DBNL: variants seen among roughly 807,000 people sequenced by gnomAD.
The protein encoded by DBNL is drebrin like.
DBNL carries 35 observed loss-of-function variants against 62.2 expected under a neutral mutation model. That is an observed-to-expected ratio of 0.56 (90% CI 0.43 to 0.75). The LOEUF (loss-of-function observed/expected upper bound fraction) is 0.75. DBNL is among the 30% of genes least tolerant of loss of function. The pLI is 0.00. For synonymous variants in DBNL, 197 were observed against 218.0 expected (o/e 0.90, Z 0.85); for missense variants, 495 against 578.4 (o/e 0.86, Z 1.48).
chr7:44,062,761 C>G lies in DBNL; in HGVS notation c.*1845C>G. The G allele has an allele frequency of 6.2e-7, 1 of 1,614,090 alleles. No homozygotes were observed. Among genetic ancestry groups the G allele is most frequent in the Non-Finnish European group, 8.5e-7 (1 of 1,179,994 alleles). ...AGGTGCCTTTATTGCCCAAGCCCAC[C>G]CCTCACTTGGCCTTGCCCTGGGCAG... On this transcript the variant is annotated 3_prime_UTR_variant, in exon 13 of 13. Coordinates refer to ENST00000448521, the MANE Select transcript of DBNL (RefSeq NM_001014436.3).
Position 44,060,495 on chromosome 7 carries a change from A to T in DBNL, c.1154-282A>T, listed in dbSNP as rs1431747176. Among the ~76,000 whole-genome samples the T allele has an allele frequency of 6.6e-6, 1 of 152,000 alleles. No homozygotes were observed. Among genetic ancestry groups the T allele is most frequent in the Non-Finnish European group, 1.5e-5 (1 of 67,978 alleles). The stretch of plus-strand genomic sequence containing the variant: ...AGGCGTCCCTGGGTGGAGGCCTTGG[A>T]GAATGGGGTGGAGGCCCCCTACGGA... On this transcript the variant is annotated intron_variant, in intron 12 of 12. Coordinates refer to ENST00000448521, the MANE Select transcript of DBNL (RefSeq NM_001014436.3). The surrounding 1 kb of genome is among the most constrained non-coding windows in gnomAD (Gnocchi z 6.3).
In DBNL at chr7:44,059,564, C is replaced by T. The variant is rs763999980; in HGVS notation, c.953C>T (p.Ala318Val). Residue 318 changes from alanine to valine, a missense_variant, in exon 11 of 13, where the codon GCG (alanine) becomes GTG (valine). Ala to Val is a moderately conservative substitution (Grantham distance 64). Transcript: ENST00000448521. This position sits in a 1 kb window ranked among gnomAD's most constrained non-coding sequence, Gnocchi z 4.1. ...PRADLPAEEP[A>V]PSTPPCLVQA... ...GCAGATCTCCCTGCTGAGGAGCCGG[C>T]GCCCAGCACTCCTCCATGTCTGGTG... 6 of 1,612,488 alleles carry T rather than the reference C, an allele frequency of 3.7e-6. No homozygotes were observed. Among genetic ancestry groups the T allele is most frequent in the African/African-American group, 2.7e-5 (2 of 74,738 alleles).
intron 2 of DBNL, chr7:44,050,541 G>C (rs1242572061): frequency 2.6e-6 from 1 of 377,590 alleles, no homozygotes; most frequent in Admixed American, 4.0e-5. Context: ...TCCAGCTTGT[G>C]GGCAGCCTGC....
rs1286935976 is a variant in DBNL, at chr7:44,052,901, C to T, written c.287C>T (p.Ala96Val). Residue 96 changes from alanine to valine, a missense_variant, in exon 4 of 13, where the codon GCC becomes GTC. Ala to Val is a moderately conservative substitution (Grantham distance 64, BLOSUM62 0). Transcript: ENST00000448521. ...GGCGTGAACGATGTGCGGAAGGGAG[C>T]CTGTGCCAGCCACGTCAGCACCATG... ...GEGVNDVRKG[A>V]CASHVSTMAS... is the part of the protein sequence containing the mutation. 2.5e-6 allele frequency: 4 copies of T among 1,613,602 alleles called. No individual in the cohort carries two copies. The highest frequency in any genetic ancestry group is 2.5e-6 in the Non-Finnish European group (3 of 1,179,998).
chr7:44,060,187 A>C lies in DBNL; in HGVS notation c.1153+34A>C. 1 of 1,568,624 alleles carries C rather than the reference A, an allele frequency of 6.4e-7. No homozygotes were observed. Among genetic ancestry groups the C allele is most frequent in the Non-Finnish European group, 8.7e-7 (1 of 1,143,634 alleles). The stretch of plus-strand genomic sequence containing the variant: ...CCCTGGCCTGGCTGGCACAGACCAC[A>C]GGGTCCTGAGGTTAGGAGACAAGAG... On this transcript the variant is annotated intron_variant, in intron 12 of 12. Transcript: ENST00000448521. The surrounding 1 kb of genome is among the most constrained non-coding windows in gnomAD (Gnocchi z 6.3).
At chr7:44,058,602 T>C in intron 8 of DBNL, 122 bp downstream of exon 8, 1 of 1,365,372 alleles carries the variant, frequency 7.3e-7, no homozygotes, top group Admixed American at 2.2e-5. Flanking sequence ...CTGGGGCAGG[T>C]TGGAATCTGG....
intron 3 of DBNL, among the ~76,000 whole-genome samples, chr7:44,052,253 G>T (rs952051420): frequency 2.6e-5 from 4 of 152,044 alleles, no homozygotes; most frequent in Admixed American, 2.0e-4. Flanking sequence ...AGAGCCTGAG[G>T]GAGTGTTTAG....
chr7:44,056,651 C>T, intron 4 of DBNL, 106 bp from the exon 5 acceptor site: 2 of 1,448,636 alleles, frequency 1.4e-6, no homozygotes, highest in Non-Finnish European at 1.9e-6. Flanking sequence ...TTCCTGATTC[C>T]AGTCCTGTGT....
Position 44,065,657 on chromosome 7 carries a change from G to A in DBNL, c.*4741G>A, listed in dbSNP as rs950214705. 1 of 908,028 alleles carries A rather than the reference G, an allele frequency of 1.1e-6. No individual in the cohort carries two copies. Among genetic ancestry groups the A allele is most frequent in the Non-Finnish European group, 1.7e-6 (1 of 571,706 alleles). 56.2% of individuals were successfully genotyped at this position (908,028 alleles called of 1,614,324 possible). Reference sequence around the variant, plus strand: ...CTGCCAATCAGCATTCCAGGCGGTGGCAGGTGACCAGTAGCTGAGCTGCTG... The same window carrying A: ...CTGCCAATCAGCATTCCAGGCGGTGACAGGTGACCAGTAGCTGAGCTGCTG... On this transcript the variant is annotated 3_prime_UTR_variant, in exon 13 of 13. Transcript: ENST00000448521.
rs182852722 is a variant in DBNL, at chr7:44,059,852, C to A, written c.1047+194C>A. On this transcript the variant is annotated intron_variant, in intron 11 of 12. Coordinates refer to ENST00000448521, the MANE Select transcript of DBNL (RefSeq NM_001014436.3). This position sits in a 1 kb window ranked among gnomAD's most constrained non-coding sequence, Gnocchi z 4.1. The stretch of plus-strand genomic sequence containing the variant: ...GCTGGGTGGGAAGAGGACCTTGCAG[C>A]CTATGGCTGAGGGATTTATGCACTG... 1.3e-5 allele frequency among the ~76,000 whole-genome samples: 2 copies of A among 152,310 alleles called. No homozygotes were observed. Among genetic ancestry groups the A allele is most frequent in the Admixed American group, 1.3e-4 (2 of 15,306 alleles).
At chr7:44,051,089 C>T (rs1304313869) in intron 2 of DBNL, 2 of 152,320 alleles carry the variant, frequency 1.3e-5, no homozygotes, top group Admixed American at 1.3e-4. Context: ...TCCCCAGTGG[C>T]ACAGGACAGG....
At chr7:44,058,712 C>G in intron 8 of DBNL, 190 bp from the exon 9 acceptor site, 1 of 816,738 alleles carries the variant, frequency 1.2e-6, no homozygotes, top group Admixed American at 2.8e-5. Flanking sequence ...CCCTTGGCTT[C>G]TGTGTTTTAC....
At position 44,064,794 on chromosome 7, in the gene DBNL, C is replaced by CCCCCCCCCCA; in HGVS notation, c.*3880_*3881insCCCCCCCACC. 1.9e-6 allele frequency: 1 copy of CCCCCCCCCCA among 526,670 alleles called. No homozygotes were observed. Among genetic ancestry groups the CCCCCCCCCCA allele is most frequent in the Non-Finnish European group, 3.6e-6 (1 of 274,530 alleles). The allele number at this position is 526,670 out of a possible 1,614,324, so 32.6% of individuals were successfully genotyped here. A position where few individuals can be genotyped will look rare whatever the true frequency, so the allele number is the denominator to read the frequency against. On this transcript the variant is annotated 3_prime_UTR_variant, in exon 13 of 13. Transcript: ENST00000448521. ...GATGAGAAGCCAGCTGGGGCTGCTG[C>CCCCCCCCCCA]CCACCCACCCTGCCCAGGCTCCTGA...
chr7:44,059,706 G>A lies in DBNL; in HGVS notation c.1047+48G>A, dbSNP rs1166595722. 4 of 1,515,994 alleles carry A rather than the reference G, an allele frequency of 2.6e-6. No individual in the cohort carries two copies. The highest frequency in any genetic ancestry group is 3.5e-6 in the Non-Finnish European group (4 of 1,130,814). The allele number at this position is 1,515,994 out of a possible 1,614,324, so 93.9% of individuals were successfully genotyped here. ...GGGCCAGGAAGGGGCTGCATACTCA[G>A]GAACACTTATCACGGGCCGCCTGAG... On this transcript the variant is annotated intron_variant, in intron 11 of 12. Coordinates refer to ENST00000448521, the MANE Select transcript of DBNL (RefSeq NM_001014436.3). The surrounding 1 kb of genome is among the most constrained non-coding windows in gnomAD (Gnocchi z 4.1).
intron 4 of DBNL, among the ~76,000 whole-genome samples, chr7:44,053,584 G>A (rs2096130305): frequency 6.6e-6 from 1 of 152,018 alleles, no homozygotes; most frequent in African/African-American, 2.4e-5. Context: ...TCCTTTATCT[G>A]AAATGCTTAG....
At position 44,064,889 on chromosome 7, in the gene DBNL, G is replaced by T. The variant is rs540266988; in HGVS notation, c.*3973G>T. 6.2e-7 allele frequency: 1 copy of T among 1,602,002 alleles called. No individual in the cohort carries two copies. Among genetic ancestry groups the T allele is most frequent in the Non-Finnish European group, 8.5e-7 (1 of 1,173,794 alleles). ...TTCCCGTGGGCTGCAATGAGCACTC[G>T]CTTGCCGGCCTTGATCTGGGGAACA... On this transcript the variant is annotated 3_prime_UTR_variant, in exon 13 of 13. Coordinates refer to ENST00000448521, the MANE Select transcript of DBNL (RefSeq NM_001014436.3).
At chr7:44,045,171 G>A (rs1183725056) in intron 1 of DBNL, among the ~76,000 whole-genome samples, 1 of 152,188 alleles carries the variant, frequency 6.6e-6, no homozygotes, top group African/African-American at 2.4e-5. Flanking sequence ...TTCCAGTCCT[G>A]GGACTTCCCT....
rs750820287 is a variant in DBNL, at chr7:44,065,267, T to C, written c.*4351T>C. 4.3e-6 allele frequency: 7 copies of C among 1,613,820 alleles called. No homozygotes were observed. The highest frequency in any genetic ancestry group is 1.6e-4 in the Middle Eastern group (1 of 6,062). ...TGTGAGGCCCCCGTAATGCCGCTCA[T>C]TGAGGCGCCAAGTGCGCACCACAGG... is the stretch of plus-strand genomic sequence containing the variant. On this transcript the variant is annotated 3_prime_UTR_variant, in exon 13 of 13. Coordinates refer to ENST00000448521, the MANE Select transcript of DBNL (RefSeq NM_001014436.3).
Position 44,065,420 on chromosome 7 carries a change from TCCTCGGTC to T in DBNL, c.*4507_*4514del, listed in dbSNP as rs2096157992. On this transcript the variant is annotated 3_prime_UTR_variant, in exon 13 of 13. Coordinates refer to ENST00000448521, the MANE Select transcript of DBNL (RefSeq NM_001014436.3). ...GATGGCCTTGGCTCCCCGCTTGGCC[TCCTCGGTC>T]CCCTTTTCACTCAGCTCTGCATCGA... 6.2e-7 allele frequency: 1 copy of T among 1,614,156 alleles called. No individual in the cohort carries two copies. Among genetic ancestry groups the T allele is most frequent in the East Asian group, 2.2e-5 (1 of 44,890 alleles).
Sources: allele counts gnomAD v4.1 joint callset (sites outside exome capture counted in the v4.1 genomes callset), GRCh38; gene constraint gnomAD v4.1.1; non-coding constraint Gnocchi (gnomAD v3.1); transcripts MANE v1.5; gene names NCBI Gene and HGNC (gene_info 2026-07-23, HGNC 2026-07-21).